Variants in CHRM3 observed in about 807,000 individuals in gnomAD.
CHRM3 encodes muscarinic acetylcholine receptor M3.
A neutral mutation model predicts 41.8 loss-of-function variants in CHRM3; 11 were observed. That is an observed-to-expected ratio of 0.26 (90% CI 0.17 to 0.44). The LOEUF (loss-of-function observed/expected upper bound fraction) is 0.44, where lower values mean the gene tolerates loss of function less well. CHRM3 is among the 20% of genes least tolerant of loss of function. The probability of loss-of-function intolerance (pLI) is 1.00; values close to 1 mark genes in which losing one functional copy is unlikely to be tolerated. For missense variants in CHRM3, 571 were observed against 745.4 expected (o/e 0.77, Z 2.72); for synonymous variants, 297 against 301.4 (o/e 0.99, Z 0.15).
At chr1:239,706,720 A>G (rs999325930) in intron 5 of CHRM3, among the ~76,000 whole-genome samples, 1 of 151,512 alleles carries the variant, frequency 6.6e-6, no homozygotes, top group Admixed American at 6.6e-5. Flanking sequence ...ATGTACACAT[A>G]CACATGGAGG....
At chr1:239,744,631 C>T (rs539747452) in intron 5 of CHRM3, among the ~76,000 whole-genome samples, 10 of 152,170 alleles carry the variant, frequency 6.6e-5, no homozygotes, top group East Asian at 3.9e-4. Flanking sequence ...ACTGGGAAGA[C>T]GAGAGGACAG....
At chr1:239,819,643 T>C (rs1671874960) in intron 5 of CHRM3, among the ~76,000 whole-genome samples, 1 of 152,220 alleles carries the variant, frequency 6.6e-6, no homozygotes, top group Admixed American at 6.5e-5. Context: ...GTATTTTCTG[T>C]GTTGAAATGT....
chr1:239,413,371 C>A (rs946854727), intron 1 of CHRM3, among the ~76,000 whole-genome samples: 2 of 152,124 alleles, frequency 1.3e-5, no homozygotes, highest in African/African-American at 4.8e-5. Flanking sequence ...CTCGCTGCAA[C>A]CTCTGCCTCC....
At chr1:239,726,463 A>G (rs974862731) in intron 5 of CHRM3, among the ~76,000 whole-genome samples, 3 of 151,958 alleles carry the variant, frequency 2.0e-5, no homozygotes, top group African/African-American at 7.2e-5. Context: ...TACCTTTGAA[A>G]AAACCTGATG....
At chr1:239,790,774 C>T (rs914371132) in intron 5 of CHRM3, among the ~76,000 whole-genome samples, 6 of 152,118 alleles carry the variant, frequency 3.9e-5, no homozygotes, top group Non-Finnish European at 2.9e-5. Flanking sequence ...AGTTCCTAAA[C>T]CTCATTAACT....
chr1:239,669,140 C>T (rs573815592), intron 4 of CHRM3, among the ~76,000 whole-genome samples: 158 of 152,262 alleles, frequency 1.0e-3, no homozygotes, highest in Non-Finnish European at 1.6e-3. Flanking sequence ...TGGACACAAA[C>T]CCTACTCACA....
chr1:239,639,863 C>T (rs1479741611), intron 4 of CHRM3, among the ~76,000 whole-genome samples: 3 of 144,854 alleles, frequency 2.1e-5, no homozygotes, highest in Non-Finnish European at 4.6e-5. Flanking sequence ...GGAATGCTTC[C>T]AGTTTTTGCC....
At chr1:239,558,140 G>A (rs1660539604) in intron 3 of CHRM3, among the ~76,000 whole-genome samples, 1 of 152,170 alleles carries the variant, frequency 6.6e-6, no homozygotes, top group East Asian at 1.9e-4. Flanking sequence ...AACCTCACAA[G>A]CATCTCTTGT....
At position 239,549,623 on chromosome 1, in the gene CHRM3, T is replaced by G. The variant is rs185039258; in HGVS notation, c.-313+3874T>G. ...TTGCAGCAAGTTGAGATCGCACCACTGCACTCCAGCCTAGGCAACAGTGAG... is the reference window on the plus strand; with the variant it reads ...TTGCAGCAAGTTGAGATCGCACCACGGCACTCCAGCCTAGGCAACAGTGAG... On this transcript the variant is annotated intron_variant, in intron 3 of 6. Transcript: ENST00000676153. Among the ~76,000 whole-genome samples, 456 of 146,602 alleles carry G rather than the reference T, an allele frequency of 3.1e-3. 2 individuals are homozygous for G. The highest frequency in any genetic ancestry group is 0.011 in the African/African-American group (436 of 39,320).
intron 4 of CHRM3, among the ~76,000 whole-genome samples, chr1:239,659,438 T>A (rs1672997077): frequency 6.6e-6 from 1 of 152,166 alleles, no homozygotes; most frequent in Non-Finnish European, 1.5e-5. Context: ...CCTTCACAGA[T>A]GCATCCCTAG....
chr1:239,393,220 G>A (rs1237247325), intron 1 of CHRM3, among the ~76,000 whole-genome samples: 1 of 152,122 alleles, frequency 6.6e-6, no homozygotes, highest in Non-Finnish European at 1.5e-5. Flanking sequence ...ATTAAATATT[G>A]TTGGGTTTTT....
At chr1:239,751,583 A>G (rs569712429) in intron 5 of CHRM3, among the ~76,000 whole-genome samples, 221 of 152,254 alleles carry the variant, frequency 1.5e-3, no homozygotes, top group South Asian at 0.01. Flanking sequence ...TTTACTTATG[A>G]TTTTTTAGAT....
chr1:239,864,900 C>T, intron 6 of CHRM3, among the ~76,000 whole-genome samples: 1 of 152,158 alleles, frequency 6.6e-6, no homozygotes, highest in South Asian at 2.1e-4. Flanking sequence ...CTGATGCTGT[C>T]ACATGAGGCT....
At chr1:239,724,874 A>G (rs1432618274) in intron 5 of CHRM3, among the ~76,000 whole-genome samples, 1 of 151,848 alleles carries the variant, frequency 6.6e-6, no homozygotes, top group Admixed American at 6.6e-5. Context: ...ATGGTCTTGA[A>G]CTTCCCAGTT....
At chr1:239,485,197 G>A (rs1406993349) in intron 1 of CHRM3, among the ~76,000 whole-genome samples, 1 of 152,088 alleles carries the variant, frequency 6.6e-6, no homozygotes, top group Non-Finnish European at 1.5e-5. Context: ...GGGACGGTGG[G>A]GGCTGTGGCA....
chr1:239,471,456 G>A (rs1466108956), intron 1 of CHRM3, among the ~76,000 whole-genome samples: 1 of 152,168 alleles, frequency 6.6e-6, no homozygotes. Flanking sequence ...ATGGAATGAC[G>A]CACAGTTGAC....
intron 1 of CHRM3, among the ~76,000 whole-genome samples, chr1:239,390,072 A>G (rs1227925027): frequency 6.6e-6 from 1 of 152,220 alleles, no homozygotes; most frequent in Non-Finnish European, 1.5e-5. Flanking sequence ...AGGATCAGTG[A>G]GTAACTAGAG....
At chr1:239,653,813 G>A (rs1672461137) in intron 4 of CHRM3, among the ~76,000 whole-genome samples, 1 of 152,122 alleles carries the variant, frequency 6.6e-6, no homozygotes, top group South Asian at 2.1e-4. Context: ...GTTGGCCCTG[G>A]GGGATAAACA....
chr1:239,598,542 G>T (rs1025279699), intron 3 of CHRM3, among the ~76,000 whole-genome samples: 6 of 152,046 alleles, frequency 3.9e-5, no homozygotes, highest in Admixed American at 1.3e-4. Context: ...AACTTTAGAG[G>T]TTGCTTGATT....
Sources: gnomAD v4.1 joint callset for allele counts (sites outside exome capture counted in the v4.1 genomes callset) on GRCh38, gnomAD v4.1.1 for gene constraint, MANE v1.5 for transcripts, NCBI Gene and HGNC (gene_info 2026-07-23, HGNC 2026-07-21) for gene names.